ATG4C: variants seen among roughly 807,000 people sequenced by gnomAD.
The protein encoded by ATG4C is autophagy related 4C cysteine peptidase.
In ATG4C, 56 loss-of-function variants were observed where a neutral mutation model predicts 57.6. That is an observed-to-expected ratio of 0.97 (90% CI 0.78 to 1.21). ATG4C has a LOEUF of 1.21. Ranked by LOEUF, ATG4C falls within the 50% of genes most tolerant of loss-of-function variation. The probability of loss-of-function intolerance (pLI) is 0.00; values close to 1 mark genes in which losing one functional copy is unlikely to be tolerated. For missense variants in ATG4C, 595 were observed against 529.8 expected (o/e 1.12, Z -1.21); for synonymous variants, 157 against 174.1 (o/e 0.90, Z 0.78).
At chr1:62,847,012 A>C (rs918444896) in intron 10 of ATG4C, among the ~76,000 whole-genome samples, 2 of 152,182 alleles carry the variant, frequency 1.3e-5, no homozygotes, top group African/African-American at 4.8e-5. Context: ...CTCCGTCTCT[A>C]CTAAAAATAC....
intron 1 of ATG4C, among the ~76,000 whole-genome samples, chr1:62,789,130 G>A (rs1325544572): frequency 2.0e-5 from 3 of 152,136 alleles, no homozygotes; most frequent in Non-Finnish European, 2.9e-5. Flanking sequence ...ATTGATAAAA[G>A]CATTGGTGGT....
At chr1:62,820,892 A>G (rs1395595778) in intron 5 of ATG4C, among the ~76,000 whole-genome samples, 1 of 152,006 alleles carries the variant, frequency 6.6e-6, no homozygotes, top group Non-Finnish European at 1.5e-5. Context: ...TTTATACCCA[A>G]TAATTTTTTT....
chr1:62,860,020 C>G (rs1262464941), intron 10 of ATG4C, among the ~76,000 whole-genome samples: 2 of 152,100 alleles, frequency 1.3e-5, no homozygotes, highest in African/African-American at 4.8e-5. Flanking sequence ...TCTTTCTATT[C>G]TTATTCTATA....
intron 1 of ATG4C, among the ~76,000 whole-genome samples, chr1:62,800,577 CTCTTT>C (rs930700526): frequency 3.3e-5 from 5 of 152,172 alleles, no homozygotes; most frequent in Non-Finnish European, 5.9e-5. Flanking sequence ...ATTTTATAAA[CTCTTT>C]TCCTTTTCTT....
chr1:62,804,092 T>TC (rs1371250962), intron 2 of ATG4C, among the ~76,000 whole-genome samples: 1 of 150,186 alleles, frequency 6.7e-6, no homozygotes, highest in Non-Finnish European at 1.5e-5. Flanking sequence ...CTTTTTTCTT[T>TC]TTTTTTTTTT....
intron 1 of ATG4C, among the ~76,000 whole-genome samples, chr1:62,797,140 G>T (rs1664497526): frequency 6.6e-6 from 1 of 151,930 alleles, no homozygotes; most frequent in South Asian, 2.1e-4. Flanking sequence ...CTAACATTAT[G>T]AACTTCTAGA....
At chr1:62,787,710 C>T (rs1028759958) in intron 1 of ATG4C, among the ~76,000 whole-genome samples, 2 of 151,212 alleles carry the variant, frequency 1.3e-5, no homozygotes, top group African/African-American at 4.9e-5. Flanking sequence ...AGTTATACAG[C>T]TTTTCCAAGC....
At chr1:62,841,020 TA>T (rs1488191478) in intron 9 of ATG4C, among the ~76,000 whole-genome samples, 1 of 152,236 alleles carries the variant, frequency 6.6e-6, no homozygotes, top group Non-Finnish European at 1.5e-5. Flanking sequence ...ATATCCTTGT[TA>T]AAAGGTTTAT....
In ATG4C at chr1:62,863,148, T is replaced by C. The variant is rs559744994; in HGVS notation, c.1210-844T>C. Reference sequence around the variant, plus strand: ...ATTGTTTATATTATACTTGTGAATCTCAAATTGATGGGCTATAAAGGTTGT... The same window carrying C: ...ATTGTTTATATTATACTTGTGAATCCCAAATTGATGGGCTATAAAGGTTGT... On this transcript the variant is annotated intron_variant, in intron 10 of 10. Transcript: ENST00000317868. Among the ~76,000 whole-genome samples, 5 of 152,122 alleles carry C rather than the reference T, an allele frequency of 3.3e-5. No homozygotes were observed. The South Asian group carries it at 8.3e-4, about 25-fold the overall frequency.
At chr1:62,797,916 T>G (rs892542067) in intron 1 of ATG4C, among the ~76,000 whole-genome samples, 1 of 152,194 alleles carries the variant, frequency 6.6e-6, no homozygotes, top group African/African-American at 2.4e-5. Flanking sequence ...ACCTCCTGGG[T>G]TGAAGCAATT....
At chr1:62,860,075 T>C (rs1295724903) in intron 10 of ATG4C, among the ~76,000 whole-genome samples, 1 of 152,220 alleles carries the variant, frequency 6.6e-6, no homozygotes, top group East Asian at 1.9e-4. Context: ...TTTTAAACTT[T>C]TTTGTTAAAA....
Position 62,819,125 on chromosome 1 carries a change from A to G in ATG4C, c.515A>G (p.Lys172Arg), listed in dbSNP as rs754931822. 3.1e-6 allele frequency: 5 copies of G among 1,613,182 alleles called. No individual in the cohort carries two copies. Among genetic ancestry groups the G allele is most frequent in the African/African-American group, 1.3e-5 (1 of 74,906 alleles). Residue 172 changes from lysine to arginine, a missense_variant, in exon 5 of 11, where the codon AAA becomes AGA. Transcript: ENST00000317868. ...TCACTTTCAGGGGAAAGAGAATTCAAAACCCCAACAATTTCTCTGAAGGAA... is the reference window on the plus strand; with the variant it reads ...TCACTTTCAGGGGAAAGAGAATTCAGAACCCCAACAATTTCTCTGAAGGAA... ...EASLSGEREF[K>R]TPTISLKETI...
chr1:62,801,845 T>C (rs1557961539), intron 1 of ATG4C, among the ~76,000 whole-genome samples: 1 of 146,354 alleles, frequency 6.8e-6, no homozygotes, highest in Non-Finnish European at 1.5e-5. Flanking sequence ...GGAGTCCCAG[T>C]TACTCGGGAG....
chr1:62,811,751 G>T (rs1665091525), intron 3 of ATG4C, among the ~76,000 whole-genome samples: 1 of 152,140 alleles, frequency 6.6e-6, no homozygotes, highest in Non-Finnish European at 1.5e-5. Flanking sequence ...GGATTTGTCT[G>T]TTTCTTCCTG....
At chr1:62,851,668 C>A (rs1666522914) in intron 10 of ATG4C, among the ~76,000 whole-genome samples, 1 of 151,688 alleles carries the variant, frequency 6.6e-6, no homozygotes. Flanking sequence ...GTGAGCTGTA[C>A]TTGTATTTAA....
At chr1:62,832,218 C>G (rs765255956) in intron 7 of ATG4C, among the ~76,000 whole-genome samples, 34 of 151,942 alleles carry the variant, frequency 2.2e-4, no homozygotes, top group Non-Finnish European at 4.0e-4. Context: ...TTGCAGCTCT[C>G]ATTCAGTTTA....
intron 1 of ATG4C, among the ~76,000 whole-genome samples, chr1:62,797,033 G>C (rs1232862211): frequency 6.6e-6 from 1 of 152,018 alleles, no homozygotes; most frequent in Non-Finnish European, 1.5e-5. Context: ...GCTTGAAACT[G>C]GGAGGTGGAG....
intron 5 of ATG4C, among the ~76,000 whole-genome samples, chr1:62,820,729 A>G (rs1378989601): frequency 2.0e-5 from 3 of 152,076 alleles, no homozygotes; most frequent in Non-Finnish European, 2.9e-5. Context: ...TAAAGAACGA[A>G]CAGTTTCTTA....
At chr1:62,796,408 C>T (rs1664469890) in intron 1 of ATG4C, among the ~76,000 whole-genome samples, 1 of 151,982 alleles carries the variant, frequency 6.6e-6, no homozygotes, top group South Asian at 2.1e-4. Flanking sequence ...GAATAATCCT[C>T]CAAGTTACTT....
Sources: gnomAD v4.1 joint callset for allele counts (sites outside exome capture counted in the v4.1 genomes callset) on GRCh38, gnomAD v4.1.1 for gene constraint, MANE v1.5 for transcripts, NCBI Gene and HGNC (gene_info 2026-07-23, HGNC 2026-07-21) for gene names.